GABRA2: variants seen among roughly 807,000 people sequenced by gnomAD.
GABRA2 encodes the protein gamma-aminobutyric acid type A receptor subunit alpha2.
GABRA2 carries 16 observed loss-of-function variants against 48.7 expected under a neutral mutation model. The observed-to-expected ratio is 0.33, with a 90% CI of 0.22 to 0.50. The LOEUF is 0.50. GABRA2 is among the 20% of genes least tolerant of loss of function. The pLI is 0.98. For synonymous variants in GABRA2, 185 were observed against 184.5 expected, an observed-to-expected ratio of 1.00 and a Z score of -0.02; for missense variants, 275 against 535.6, an observed-to-expected ratio of 0.51 and a Z score of 4.80.
intron 8 of GABRA2, among the ~76,000 whole-genome samples, chr4:46,289,154 T>TA (rs2109519559): frequency 6.6e-6 from 1 of 152,232 alleles, no homozygotes; most frequent in South Asian, 2.1e-4. Flanking sequence ...GGTGATTCCT[T>TA]AAAGTCCTAA....
At chr4:46,253,383 C>G (rs1715193288) in intron 9 of GABRA2, among the ~76,000 whole-genome samples, 1 of 151,370 alleles carries the variant, frequency 6.6e-6, no homozygotes, top group Non-Finnish European at 1.5e-5. Context: ...AAAATACAAG[C>G]AGCAGCACAT....
intron 3 of GABRA2, chr4:46,365,533 C>T (rs1713906012): frequency 6.6e-6 from 1 of 152,042 alleles, no homozygotes; most frequent in Non-Finnish European, 1.5e-5. Context: ...AATCAAAAGG[C>T]ACATGGGAAG....
Position 46,310,251 on chromosome 4 carries a change from T to C in GABRA2, c.481A>G (p.Thr161Ala). 1 of 1,613,148 alleles carries C rather than the reference T, an allele frequency of 6.2e-7. No homozygotes were observed. Among genetic ancestry groups the C allele is most frequent in the Non-Finnish European group, 8.5e-7 (1 of 1,179,264 alleles). ...DGTLLYTMRLTVQAECPMHLE... is the reference protein window; with the variant it reads ...DGTLLYTMRLAVQAECPMHLE... ...TGCATTGGGCATTCAGCTTGAACTG[T>C]AAGCCTAAAAGTCAAAATTTCACTA... The change falls in exon 6 of 10, where the codon ACA becomes GCA. Residue 161 changes from threonine to alanine, a missense_variant. Physicochemically the swap from Thr to Ala is moderately conservative, Grantham distance 58 (BLOSUM62 0). Transcript: ENST00000381620.
At chr4:46,387,525 C>T (rs1717634356) in intron 2 of GABRA2, among the ~76,000 whole-genome samples, 1 of 152,136 alleles carries the variant, frequency 6.6e-6, no homozygotes, top group East Asian at 1.9e-4. Flanking sequence ...TTTATACCCT[C>T]TAGCCTCAAA....
At chr4:46,343,008 C>T (rs1733544947) in intron 3 of GABRA2, among the ~76,000 whole-genome samples, 1 of 151,866 alleles carries the variant, frequency 6.6e-6, no homozygotes, top group Non-Finnish European at 1.5e-5. Context: ...TAACTACATG[C>T]CTGACACTTT....
At chr4:46,251,672 C>G (rs577429433) in intron 9 of GABRA2, among the ~76,000 whole-genome samples, 8 of 151,500 alleles carry the variant, frequency 5.3e-5, no homozygotes, top group Non-Finnish European at 8.9e-5. Context: ...CTCTTTGCTC[C>G]CATATATGCT....
intron 4 of GABRA2, among the ~76,000 whole-genome samples, chr4:46,315,753 A>G (rs1279415704): frequency 1.3e-5 from 2 of 151,966 alleles, no homozygotes; most frequent in Non-Finnish European, 2.9e-5. Flanking sequence ...GACATACACA[A>G]GAGTATAAAG....
chr4:46,305,733 A>AT lies in GABRA2; in HGVS notation c.560-23dup, dbSNP rs142521662. On this transcript the variant is annotated intron_variant, in intron 6 of 9. Transcript: ENST00000381620. The stretch of plus-strand genomic sequence containing the variant: ...GCATCTATAGGAAATCAGAAAAAAT[A>AT]TTTTAAGCATTTTAGTAAGAACCAT... The AT allele has an allele frequency of 1.9e-4, 289 of 1,560,936 alleles. 2 individuals carry two copies. The African/African-American group carries it at 3.7e-3, about 20-fold the overall frequency.
intron 6 of GABRA2, among the ~76,000 whole-genome samples, chr4:46,309,520 T>A (rs1273585416): frequency 6.6e-6 from 1 of 151,962 alleles, no homozygotes; most frequent in Admixed American, 6.6e-5. Context: ...CATGTGGGCC[T>A]AGGGAGATGA....
chr4:46,299,192 A>G, intron 8 of GABRA2, among the ~76,000 whole-genome samples: 1 of 151,862 alleles, frequency 6.6e-6, no homozygotes, highest in East Asian at 1.9e-4. Flanking sequence ...GCAAATGTTT[A>G]TAACCCTAAG....
intron 3 of GABRA2, among the ~76,000 whole-genome samples, chr4:46,338,773 A>G (rs1054892575): frequency 6.6e-6 from 1 of 151,824 alleles, no homozygotes; most frequent in African/African-American, 2.4e-5. Flanking sequence ...TTCTCAGGCT[A>G]TTATTTTCTA....
chr4:46,377,465 C>A (rs1715954693), intron 3 of GABRA2, among the ~76,000 whole-genome samples: 1 of 133,434 alleles, frequency 7.5e-6, no homozygotes, highest in Non-Finnish European at 1.7e-5. Context: ...CTGGCAACCG[C>A]CCCGTCTGAG....
intron 8 of GABRA2, among the ~76,000 whole-genome samples, chr4:46,266,842 C>A (rs1718349225): frequency 1.3e-5 from 2 of 151,296 alleles, no homozygotes; most frequent in East Asian, 3.9e-4. Flanking sequence ...CTGCCTCAGC[C>A]TCCCGAGTAG....
intron 9 of GABRA2, among the ~76,000 whole-genome samples, chr4:46,258,771 C>G (rs1195771474): frequency 4.6e-5 from 7 of 151,606 alleles, no homozygotes; most frequent in Non-Finnish European, 1.0e-4. Context: ...TGGAGCATAA[C>G]AGTAAAAAAA....
chr4:46,351,134 CG>C (rs34970359), intron 3 of GABRA2, among the ~76,000 whole-genome samples: 93,810 of 151,308 alleles, frequency 0.62, 29,752 homozygotes, highest in African/African-American at 0.75. Context: ...AAAAGGAAGA[CG>C]GGGGGCTATT....
At chr4:46,301,939 C>G (rs1243083066) in intron 8 of GABRA2, among the ~76,000 whole-genome samples, 1 of 152,168 alleles carries the variant, frequency 6.6e-6, no homozygotes, top group East Asian at 1.9e-4. Flanking sequence ...ACAAAACGTG[C>G]TTGGCCCAAT....
chr4:46,312,180 T>C (rs993410370), intron 5 of GABRA2, among the ~76,000 whole-genome samples: 14 of 152,136 alleles, frequency 9.2e-5, no homozygotes, highest in Non-Finnish European at 1.8e-4. Flanking sequence ...TAAAATTATA[T>C]GTTGATACAA....
rs1220377878 is a variant in GABRA2 at position 46,249,060 on chromosome 4, G to GTGTGTGTGTGTA, written c.*1247_*1248insTACACACACACA. ...TGTGTGTGTGTGTGTGTGTGTGTGT[G>GTGTGTGTGTGTA]TATGTTTGTGCACGTGAAATAATCC... is the stretch of plus-strand genomic sequence containing the variant. On this transcript the variant is annotated 3_prime_UTR_variant, in exon 10 of 10. Transcript: ENST00000381620. The GTGTGTGTGTGTA allele has an allele frequency of 3.3e-5, 5 of 150,946 alleles. No homozygotes were observed. Among genetic ancestry groups the GTGTGTGTGTGTA allele is most frequent in the African/African-American group, 1.2e-4 (5 of 41,142 alleles). The allele number at this position is 150,946 out of a possible 1,614,324, so 9.4% of individuals were successfully genotyped here.
At chr4:46,290,331 G>A (rs1355584258) in intron 8 of GABRA2, among the ~76,000 whole-genome samples, 1 of 151,186 alleles carries the variant, frequency 6.6e-6, no homozygotes, top group African/African-American at 2.4e-5. Context: ...TTTTCTACAC[G>A]TATTAAACTG....
Sources: gnomAD v4.1 joint callset for allele counts (sites outside exome capture counted in the v4.1 genomes callset) on GRCh38, gnomAD v4.1.1 for gene constraint, MANE v1.5 for transcripts, NCBI Gene and HGNC (gene_info 2026-07-23, HGNC 2026-07-21) for gene names.